PSMD5: variants seen among roughly 807,000 people sequenced by gnomAD.
The protein encoded by PSMD5 is 26S proteasome non-ATPase regulatory subunit 5.
In PSMD5, 40 loss-of-function variants were observed where a neutral mutation model predicts 52.1. That is an observed-to-expected ratio of 0.77 (90% CI 0.60 to 1.00). PSMD5 has a LOEUF of 1.00. PSMD5 is among the 50% of genes least tolerant of loss of function. The pLI is 0.00. For missense variants in PSMD5, 575 were observed against 605.2 expected (o/e 0.95, Z 0.52); for synonymous variants, 211 against 226.6 (o/e 0.93, Z 0.62).
intron 6 of PSMD5, 103 bp from the exon 7 acceptor site, chr9:120,824,788 G>C: frequency 1.0e-6 from 1 of 976,308 alleles, no homozygotes; most frequent in Non-Finnish European, 1.5e-6. Flanking sequence ...GGCCAGAAAA[G>C]CATAGAAAGG....
chr9:120,821,251 G>T, intron 8 of PSMD5, 104 bp downstream of exon 8: 1 of 847,998 alleles, frequency 1.2e-6, no homozygotes. Context: ...TATAATGAGG[G>T]TTATCTTCTT....
chr9:120,838,488 T>C (rs567031584), intron 1 of PSMD5, among the ~76,000 whole-genome samples: 23 of 152,330 alleles, frequency 1.5e-4, no homozygotes, highest in African/African-American at 5.5e-4. Context: ...CAAGATCAGA[T>C]TGTGAACCAA....
intron 4 of PSMD5, among the ~76,000 whole-genome samples, chr9:120,830,745 T>TA (rs1279404533): frequency 6.6e-6 from 1 of 152,102 alleles, no homozygotes; most frequent in Non-Finnish European, 1.5e-5. Context: ...CTGTAAGAAT[T>TA]AAAGATAATA....
At position 120,831,434 on chromosome 9, in the gene PSMD5, G is replaced by A. The variant is rs1210484211; in HGVS notation, c.458C>T (p.Ser153Leu). The stretch of plus-strand genomic sequence containing the variant: ...AGCCTCCAGTCCAGCTTGGGTTAGT[G>A]ATATTCTTGACAGGGATTTGATAGC... ...KAAIKSLSRI[S>L]LTQAGLEALF... is the part of the protein sequence containing the mutation. The change falls in exon 4 of 10, where the codon TCA becomes TTA. Residue 153 changes from serine (S) to leucine (L), a missense_variant. Physicochemically the swap from Ser to Leu is moderately radical, Grantham distance 145. Coordinates refer to ENST00000210313, the MANE Select transcript of PSMD5 (RefSeq NM_005047.4). 1.2e-6 allele frequency: 2 copies of A among 1,609,796 alleles called. No homozygotes were observed. Among genetic ancestry groups the A allele is most frequent in the Admixed American group, 3.4e-5 (2 of 58,852 alleles).
At chr9:120,839,798 CTTTTTTTTTTTT>C (rs5900462) in intron 1 of PSMD5, among the ~76,000 whole-genome samples, 4 of 78,542 alleles carry the variant, frequency 5.1e-5, no homozygotes, top group African/African-American at 1.7e-4. Context: ...TTTTTTTAAT[CTTTTTTTTTTTT>C]TTTTTTTTTT....
At chr9:120,841,780 C>G (rs1588074568) in intron 1 of PSMD5, 1 of 152,128 alleles carries the variant, frequency 6.6e-6, no homozygotes, top group Non-Finnish European at 1.5e-5. Context: ...TATATTCTTG[C>G]ATATAATGTT....
chr9:120,831,865 G>A lies in PSMD5; in HGVS notation c.399C>T (p.Cys133=), dbSNP rs201977082. The A allele has an allele frequency of 1.3e-5, 21 of 1,613,142 alleles. No individual in the cohort carries two copies. The Admixed American group carries it at 2.2e-4, about 17-fold the overall frequency. ...NAELLKQIVY[C]IGGENLSVAK... ...CTACAGATAGATTCTCTCCACCAAT[G>A]CAATAAACAATTTGTTTTAGTAATT... Residue 133 remains cysteine (C), a synonymous_variant, in exon 3 of 10, where the codon TGC becomes TGT. Coordinates refer to ENST00000210313, the MANE Select transcript of PSMD5 (RefSeq NM_005047.4).
chr9:120,837,132 G>A (rs1038627484), intron 1 of PSMD5, among the ~76,000 whole-genome samples: 2 of 151,948 alleles, frequency 1.3e-5, no homozygotes, highest in Non-Finnish European at 2.9e-5. Flanking sequence ...CTCGTGATCT[G>A]CCCACCTTGG....
intron 2 of PSMD5, among the ~76,000 whole-genome samples, chr9:120,832,550 T>C (rs866280156): frequency 2.0e-5 from 3 of 152,038 alleles, no homozygotes; most frequent in South Asian, 2.1e-4. Flanking sequence ...GCACCTGCCA[T>C]CATGCCCAGC....
intron 1 of PSMD5, among the ~76,000 whole-genome samples, chr9:120,840,586 CA>C (rs1226503304): frequency 2.0e-5 from 3 of 150,318 alleles, no homozygotes; most frequent in Non-Finnish European, 4.4e-5. Flanking sequence ...GCTGGGACTA[CA>C]GGTGTGCGCT....
At chr9:120,831,175 T>C (rs2045157248) in intron 4 of PSMD5, among the ~76,000 whole-genome samples, 156 bp downstream of exon 4, 1 of 152,192 alleles carries the variant, frequency 6.6e-6, no homozygotes, top group African/African-American at 2.4e-5. Flanking sequence ...TTTTTATGAC[T>C]GTCTCACATA....
chr9:120,825,821 A>T (rs35209903), intron 6 of PSMD5, among the ~76,000 whole-genome samples: 22,213 of 151,988 alleles, frequency 0.15, 1,737 homozygotes, highest in Middle Eastern at 0.18. Context: ...TTTGGTGGAA[A>T]CTTTATTCTA....
intron 6 of PSMD5, 38 bp downstream of exon 6, chr9:120,826,727 C>T (rs769379531): frequency 3.1e-6 from 5 of 1,598,646 alleles, no homozygotes; most frequent in South Asian, 1.1e-5. Context: ...AGAAATAAAA[C>T]ACGCACCATC....
At chr9:120,839,798 CTTTTT>C in intron 1 of PSMD5, among the ~76,000 whole-genome samples, 1 of 78,544 alleles carries the variant, frequency 1.3e-5, no homozygotes, top group East Asian at 3.5e-4. Context: ...TTTTTTTAAT[CTTTTT>C]TTTTTTTTTT....
intron 7 of PSMD5, 92 bp from the exon 8 acceptor site, chr9:120,821,556 A>G: frequency 1.3e-6 from 1 of 794,626 alleles, no homozygotes; most frequent in East Asian, 2.7e-5. Context: ...TGTATAGTTC[A>G]GTGCTATTAA....
intron 1 of PSMD5, chr9:120,842,004 C>A (rs2045242013): frequency 6.6e-6 from 1 of 152,246 alleles, no homozygotes; most frequent in South Asian, 2.1e-4. Context: ...TTCCTTTAAA[C>A]TCTCATCTGA....
chr9:120,832,950 T>C (rs952657071), intron 2 of PSMD5, among the ~76,000 whole-genome samples: 2 of 152,226 alleles, frequency 1.3e-5, no homozygotes, highest in Admixed American at 6.5e-5. Context: ...CATAGGAATC[T>C]TTTTCTTTAC....
At chr9:120,825,915 T>C (rs1197729555) in intron 6 of PSMD5, among the ~76,000 whole-genome samples, 1 of 152,170 alleles carries the variant, frequency 6.6e-6, no homozygotes, top group Non-Finnish European at 1.5e-5. Context: ...TATTTATTTA[T>C]CTTGCCTAAT....
intron 7 of PSMD5, among the ~76,000 whole-genome samples, chr9:120,822,525 TTTTC>T (rs1316801923): frequency 2.0e-5 from 3 of 152,234 alleles, no homozygotes; most frequent in Admixed American, 6.5e-5. Flanking sequence ...AGCGTATTAA[TTTTC>T]TTTTTTTCTT....
Sources: allele counts gnomAD v4.1 joint callset (sites outside exome capture counted in the v4.1 genomes callset), GRCh38; gene constraint gnomAD v4.1.1; transcripts MANE v1.5; gene names NCBI Gene and HGNC (gene_info 2026-07-23, HGNC 2026-07-21).